Variants in PRR5 observed in about 807,000 individuals in gnomAD.
PRR5 encodes proline rich 5.
In PRR5, 25 loss-of-function variants were observed where a neutral mutation model predicts 30.6. That is an observed-to-expected ratio of 0.82 (90% CI 0.60 to 1.14). PRR5 has a LOEUF of 1.14. PRR5 is among the 50% of genes most tolerant of loss of function. The pLI, the probability that PRR5 is intolerant of heterozygous loss-of-function variation, is 0.00. For missense variants in PRR5, 600 were observed against 547.1 expected (o/e 1.10, Z -0.96); for synonymous variants, 286 against 247.1 (o/e 1.16, Z -1.48).
At chr22:44,716,824 G>A (rs1160680492) in intron 2 of PRR5, among the ~76,000 whole-genome samples, 1 of 152,150 alleles carries the variant, frequency 6.6e-6, no homozygotes, top group African/African-American at 2.4e-5. Context: ...ACTTTGGGAG[G>A]CCGAGGCAGG....
At chr22:44,725,181 T>A in intron 2 of PRR5, 63 bp from the exon 3 acceptor site, 1 of 1,600,946 alleles carries the variant, frequency 6.2e-7, no homozygotes, top group Non-Finnish European at 8.5e-7. Flanking sequence ...CCCCAGTCCG[T>A]GGGTCCCCCA....
chr22:44,725,235 C>T lies in PRR5; in HGVS notation c.216-9C>T. On this transcript the variant is annotated splice_polypyrimidine_tract_variant and intron_variant, in intron 2 of 7. Coordinates refer to ENST00000336985, the MANE Select transcript of PRR5 (RefSeq NM_181333.4). ...TGGGACTCACTCTTGTCTCACCTCC[C>T]ACCCACAGGCAGCTGTTGAAGACAG... 1 of 1,613,858 alleles carries T rather than the reference C, an allele frequency of 6.2e-7. No individual in the cohort carries two copies. Among genetic ancestry groups the T allele is most frequent in the African/African-American group, 1.3e-5 (1 of 75,064 alleles).
Position 44,680,352 on chromosome 22 carries a change from A to C in PRR5, c.-11+3112A>C, listed in dbSNP as rs950057367. Among the ~76,000 whole-genome samples, 10 of 152,242 alleles carry C rather than the reference A, an allele frequency of 6.6e-5. 1 individual carries two copies. In the South Asian group the frequency reaches 1.9e-3, roughly 28 times the overall value. On this transcript the variant is annotated intron_variant, in intron 1 of 8. Transcript: ENST00000006251. ...ATGCTGGTCCAGCTCCTGGAATGGC[A>C]TGTCCCTCCCCCACCCTAAAGTGCA... is the stretch of plus-strand genomic sequence containing the variant.
chr22:44,703,550 T>A (rs575197460), intron 1 of PRR5, among the ~76,000 whole-genome samples: 1 of 152,292 alleles, frequency 6.6e-6, no homozygotes, highest in Admixed American at 6.5e-5. Flanking sequence ...AAACGTGGTC[T>A]CTTCTGTCTC....
intron 4 of PRR5, chr22:44,729,678 A>T: frequency 1.0e-6 from 1 of 985,484 alleles, no homozygotes; most frequent in Non-Finnish European, 1.2e-6. Context: ...CCCCCACAGG[A>T]CAGGCCCCGG....
intron 4 of PRR5, chr22:44,729,727 C>T (rs1047930528): frequency 1.7e-5 from 17 of 985,496 alleles, no homozygotes; most frequent in Non-Finnish European, 1.9e-5. Context: ...CCTTCCTGGC[C>T]TCTCGTCACC....
intron 1 of PRR5, among the ~76,000 whole-genome samples, chr22:44,686,842 G>C (rs1387769286): frequency 2.0e-5 from 3 of 152,166 alleles, no homozygotes; most frequent in Non-Finnish European, 4.4e-5. Context: ...TTGAACTCCT[G>C]ATCTCATGAT....
chr22:44,736,736 G>A, intron 7 of PRR5, 36 bp from the exon 8 acceptor site: 1 of 1,516,146 alleles, frequency 6.6e-7, no homozygotes, highest in Non-Finnish European at 8.8e-7. Flanking sequence ...GGACCCAGGT[G>A]GCCTCTGGTG....
At chr22:44,707,250 T>C (rs983899155) in intron 1 of PRR5, among the ~76,000 whole-genome samples, 16 of 152,208 alleles carry the variant, frequency 1.1e-4, no homozygotes, top group African/African-American at 3.6e-4. Flanking sequence ...GGCCAAGGTG[T>C]ACTTTCACAT....
At chr22:44,721,944 G>A (rs924164260) in intron 2 of PRR5, among the ~76,000 whole-genome samples, 25 of 152,196 alleles carry the variant, frequency 1.6e-4, no homozygotes, top group Admixed American at 2.0e-4. Flanking sequence ...TAATGCCTGC[G>A]GTAACTTTGA....
At chr22:44,684,020 C>T (rs1227189898) in intron 1 of PRR5, among the ~76,000 whole-genome samples, 1 of 152,192 alleles carries the variant, frequency 6.6e-6, no homozygotes, top group Non-Finnish European at 1.5e-5. Context: ...TAGGGTGTGT[C>T]CCCCGGACTG....
chr22:44,729,174 C>A (rs971223387), intron 4 of PRR5: 2 of 479,688 alleles, frequency 4.2e-6, no homozygotes, highest in Non-Finnish European at 5.4e-6. Flanking sequence ...TACACGCTTG[C>A]CTCCATGCCT....
At chr22:44,725,152 C>T in intron 2 of PRR5, 92 bp from the exon 3 acceptor site, 1 of 1,571,970 alleles carries the variant, frequency 6.4e-7, no homozygotes, top group Admixed American at 1.7e-5. Flanking sequence ...GCTGATCTCC[C>T]CCTGCCCAGG....
In PRR5 at chr22:44,702,570, G is replaced by A. The variant is rs1312198286; in HGVS notation, c.96G>A (p.Thr32=). 2 of 1,417,396 alleles carry A rather than the reference G, an allele frequency of 1.4e-6. No individual in the cohort carries two copies. The highest frequency in any genetic ancestry group is 2.4e-4 in the Middle Eastern group (1 of 4,182). 87.8% of individuals were successfully genotyped at this position (1,417,396 alleles called of 1,614,324 possible). Residue 32 remains threonine, a synonymous_variant, in exon 1 of 8, where the codon ACG becomes ACA. Transcript: ENST00000336985. ...EPAAAADERG[T]QQRRACANAT... ...CCGCCGCCGCGGACGAGCGGGGCAC[G>A]CAGCAGCGCCGGGCCTGCGCCAACG...
At chr22:44,730,977 C>T (rs554434356) in intron 4 of PRR5, 196 of 437,092 alleles carry the variant, frequency 4.5e-4, no homozygotes, top group African/African-American at 3.5e-3. Flanking sequence ...GCTGGGTCCC[C>T]AGTGCCCAGC....
chr22:44,686,919 T>C (rs1368873495), intron 1 of PRR5, among the ~76,000 whole-genome samples: 2 of 152,226 alleles, frequency 1.3e-5, no homozygotes, highest in Non-Finnish European at 2.9e-5. Flanking sequence ...GCAAATACGA[T>C]ATTTGATTCC....
intron 4 of PRR5, among the ~76,000 whole-genome samples, chr22:44,727,745 G>A (rs79951957): frequency 0.07 from 10,648 of 152,228 alleles, 729 homozygotes; most frequent in African/African-American, 0.16. Context: ...ACACAGGCCC[G>A]GAGGCCTGGC....
chr22:44,679,869 C>A, intron 1 of PRR5: 4 of 1,585,578 alleles, frequency 2.5e-6, no homozygotes, highest in East Asian at 2.3e-5. Flanking sequence ...GCCGGCGCAG[C>A]CTGAGGGCTT....
intron 1 of PRR5, among the ~76,000 whole-genome samples, chr22:44,695,437 A>C (rs1249435646): frequency 6.6e-6 from 1 of 152,226 alleles, no homozygotes; most frequent in Non-Finnish European, 1.5e-5. Context: ...ATGTCCTCAC[A>C]GAGGTATTTT....
Sources: allele counts gnomAD v4.1 joint callset (sites outside exome capture counted in the v4.1 genomes callset), GRCh38; gene constraint gnomAD v4.1.1; transcripts MANE v1.5; gene names NCBI Gene and HGNC (gene_info 2026-07-23, HGNC 2026-07-21).